NBEA: variants seen among roughly 807,000 people sequenced by gnomAD.
NBEA encodes neurobeachin.
NBEA carries 44 observed loss-of-function variants against 343.4 expected under a neutral mutation model. The observed-to-expected ratio is 0.13, with a 90% CI of 0.10 to 0.16. NBEA has a LOEUF of 0.16. Among genes scored for constraint, NBEA ranks in the 10% least tolerant of loss-of-function variants. The pLI is 1.00. For synonymous variants in NBEA, 1,175 were observed against 1,238.7 expected (o/e 0.95, Z 1.08); for missense variants, 2,555 against 3,631.3 (o/e 0.70, Z 7.62).
intron 47 of NBEA, among the ~76,000 whole-genome samples, chr13:35,603,201 C>A (rs1380869603): frequency 6.6e-6 from 1 of 152,086 alleles, no homozygotes; most frequent in African/African-American, 2.4e-5. Context: ...GTGTATTCCC[C>A]AGATTTCTAG....
chr13:35,033,894 GT>G (rs1474180602), intron 1 of NBEA, among the ~76,000 whole-genome samples: 1 of 151,400 alleles, frequency 6.6e-6, no homozygotes, highest in Non-Finnish European at 1.5e-5. Flanking sequence ...TATTCTAATA[GT>G]TTTCTTGTGA....
Position 35,243,103 on chromosome 13 carries a change from A to G in NBEA, c.5776+10484A>G, listed in dbSNP as rs560911189. On this transcript the variant is annotated intron_variant, in intron 34 of 58. Transcript: ENST00000379939. ...CTATGCTAATGGGTAAGCAATATAT[A>G]AAGATATGACTTGTGACATAAGTAA... 1.4e-4 allele frequency among the ~76,000 whole-genome samples: 22 copies of G among 152,058 alleles called. No individual in the cohort carries two copies. In the South Asian group the frequency reaches 2.9e-3, roughly 20 times the overall value.
intron 1 of NBEA, among the ~76,000 whole-genome samples, chr13:34,944,430 A>G (rs760625280): frequency 2.6e-5 from 4 of 152,188 alleles, no homozygotes; most frequent in Non-Finnish European, 4.4e-5. Context: ...TCCTTTTGCT[A>G]GTGTGTCAGG....
intron 1 of NBEA, among the ~76,000 whole-genome samples, chr13:34,987,348 T>A (rs1403982512): frequency 6.6e-6 from 1 of 151,172 alleles, no homozygotes; most frequent in Non-Finnish European, 1.5e-5. Flanking sequence ...TTGTAGAGTT[T>A]CTGCCGAGAG....
At chr13:35,661,335 G>A (rs780629901) in intron 55 of NBEA, among the ~76,000 whole-genome samples, 1 of 152,174 alleles carries the variant, frequency 6.6e-6, no homozygotes, top group Non-Finnish European at 1.5e-5. Flanking sequence ...GACTTCAAGA[G>A]AAGAGGTTGT....
intron 41 of NBEA, among the ~76,000 whole-genome samples, chr13:35,496,493 G>T (rs1042870041): frequency 3.3e-5 from 5 of 151,670 alleles, no homozygotes; most frequent in Admixed American, 2.6e-4. Flanking sequence ...CCTTAGCCAG[G>T]CATAGTGGTG....
At chr13:35,427,925 C>T (rs924982756) in intron 38 of NBEA, among the ~76,000 whole-genome samples, 18 of 152,218 alleles carry the variant, frequency 1.2e-4, no homozygotes, top group African/African-American at 3.9e-4. Flanking sequence ...GCGTAGGACC[C>T]TCTGAGCCAT....
chr13:35,205,911 G>C (rs1479501356), intron 31 of NBEA, among the ~76,000 whole-genome samples: 1 of 151,872 alleles, frequency 6.6e-6, no homozygotes, highest in African/African-American at 2.4e-5. Flanking sequence ...CATTTTAATG[G>C]GGAGGAGAAT....
intron 34 of NBEA, among the ~76,000 whole-genome samples, chr13:35,269,969 C>T (rs2033999767): frequency 6.6e-6 from 1 of 152,154 alleles, no homozygotes; most frequent in African/African-American, 2.4e-5. Flanking sequence ...ATGGAATTTT[C>T]TCTGTCCATT....
At chr13:35,668,335 T>A in intron 57 of NBEA, 33 bp from the exon 58 acceptor site, 1 of 1,540,658 alleles carries the variant, frequency 6.5e-7, no homozygotes, top group Non-Finnish European at 8.7e-7. Flanking sequence ...TTATTTTGTT[T>A]TTTTTTGTTT....
intron 1 of NBEA, among the ~76,000 whole-genome samples, chr13:34,943,660 A>G (rs942242204): frequency 1.3e-5 from 2 of 152,228 alleles, no homozygotes; most frequent in Admixed American, 6.5e-5. Flanking sequence ...TTCCAAGGCC[A>G]TGATGGAGAG....
intron 41 of NBEA, among the ~76,000 whole-genome samples, chr13:35,523,031 T>C (rs2077792685): frequency 6.6e-6 from 1 of 152,154 alleles, no homozygotes; most frequent in African/African-American, 2.4e-5. Flanking sequence ...AGAAAGGAAA[T>C]GACAAGAATA....
intron 47 of NBEA, among the ~76,000 whole-genome samples, chr13:35,599,227 G>T (rs1054193414): frequency 1.3e-5 from 2 of 152,094 alleles, no homozygotes; most frequent in Non-Finnish European, 2.9e-5. Flanking sequence ...CCAGAATCAT[G>T]TGTTAAATTC....
In NBEA at chr13:35,049,846, GT is replaced by G. The variant is rs36011004; in HGVS notation, c.846-414del. Reference sequence around the variant, plus strand: ...ATTTATCAAACTTGACTCTGACCAAGTTTTTTTTTCTTTTTCTTTTTAATTT... The same window carrying G: ...ATTTATCAAACTTGACTCTGACCAAGTTTTTTTTCTTTTTCTTTTTAATTT... On this transcript the variant is annotated intron_variant, in intron 5 of 58. Coordinates refer to ENST00000379939, the MANE Select transcript of NBEA (RefSeq NM_001385012.1). Among the ~76,000 whole-genome samples the G allele has an allele frequency of 8.7e-5, 13 of 149,170 alleles. No individual in the cohort carries two copies. In the South Asian group the frequency reaches 1.9e-3, roughly 22 times the overall value.
intron 1 of NBEA, among the ~76,000 whole-genome samples, chr13:34,992,768 A>G (rs145111455): frequency 0.016 from 2,338 of 150,596 alleles, 65 homozygotes; most frequent in African/African-American, 0.054. Flanking sequence ...CGACTCCCAG[A>G]TTCACACCAT....
intron 31 of NBEA, among the ~76,000 whole-genome samples, chr13:35,201,062 C>T (rs944334264): frequency 3.3e-5 from 5 of 151,816 alleles, no homozygotes; most frequent in South Asian, 2.1e-4. Flanking sequence ...AACAAATAAA[C>T]GTAAGCCAAA....
chr13:35,346,964 G>C (rs1357303859), intron 36 of NBEA, among the ~76,000 whole-genome samples: 1 of 152,068 alleles, frequency 6.6e-6, no homozygotes, highest in African/African-American at 2.4e-5. Context: ...ATGCCACAAA[G>C]ATATTGCAAG....
intron 53 of NBEA, among the ~76,000 whole-genome samples, chr13:35,653,141 T>A (rs920379021): frequency 6.6e-6 from 1 of 152,166 alleles, no homozygotes; most frequent in Non-Finnish European, 1.5e-5. Flanking sequence ...TTATTAGCCA[T>A]TGGATCCAGA....
chr13:35,624,998 G>A lies in NBEA; in HGVS notation c.7450-3083G>A, dbSNP rs145319619. On this transcript the variant is annotated intron_variant, in intron 48 of 58. Transcript: ENST00000379939. ...AAAAGGAATTTTTGTTTAATAGATG[G>A]TATTGGAAAAACTCACTCACTTTAT... 5.1e-3 allele frequency among the ~76,000 whole-genome samples: 780 copies of A among 152,034 alleles called. 4 individuals are homozygous for A. Among genetic ancestry groups the A allele is most frequent in the Non-Finnish European group, 6.3e-3 (428 of 67,952 alleles).
Sources: allele counts gnomAD v4.1 joint callset (sites outside exome capture counted in the v4.1 genomes callset), GRCh38; gene constraint gnomAD v4.1.1; transcripts MANE v1.5; gene names NCBI Gene and HGNC (gene_info 2026-07-23, HGNC 2026-07-21).